SH3TC2: variants seen among roughly 807,000 people sequenced by gnomAD.
The protein encoded by SH3TC2 is SH3 domain and tetratricopeptide repeats 2.
A neutral mutation model predicts 124.5 loss-of-function variants in SH3TC2; 87 were observed. The ratio of observed to expected loss-of-function variants is 0.70; its 90% confidence interval spans 0.59 to 0.84. The LOEUF is 0.84. Among genes scored for constraint, SH3TC2 ranks in the 40% least tolerant of loss-of-function variants. The pLI is 0.00. For missense variants in SH3TC2, 1,536 were observed against 1,566.4 expected (o/e 0.98, Z 0.33); for synonymous variants, 634 against 628.5 (o/e 1.01, Z -0.13).
chr5:149,059,683 G>C (rs1754712409), intron 1 of SH3TC2, among the ~76,000 whole-genome samples: 1 of 150,684 alleles, frequency 6.6e-6, no homozygotes, highest in Non-Finnish European at 1.5e-5. Flanking sequence ...ATATCATTTT[G>C]TTTAAGTTTT....
Position 149,014,981 on chromosome 5 carries a change from A to G in SH3TC2, c.3054-2247T>C, listed in dbSNP as rs150539113. Among the ~76,000 whole-genome samples the G allele has an allele frequency of 3.0e-3, 452 of 152,246 alleles. 2 individuals are homozygous for G. Among genetic ancestry groups the G allele is most frequent in the African/African-American group, 0.01 (433 of 41,546 alleles). On this transcript the variant is annotated intron_variant, in intron 12 of 16. Coordinates refer to ENST00000515425, the MANE Select transcript of SH3TC2 (RefSeq NM_024577.4). Reference sequence around the variant, plus strand: ...TGTCCTGGGATGCCCTTGGGCTACTATAGTTGTTTTCTCCAGACCTTCAGG... The same window carrying G: ...TGTCCTGGGATGCCCTTGGGCTACTGTAGTTGTTTTCTCCAGACCTTCAGG...
intron 12 of SH3TC2, among the ~76,000 whole-genome samples, chr5:149,020,666 T>C (rs1204403323): frequency 3.9e-5 from 6 of 152,184 alleles, no homozygotes; most frequent in Admixed American, 1.3e-4. Context: ...AGAGTGGCTA[T>C]GCTAATATCA....
chr5:149,026,388 A>C (rs1313281040), intron 12 of SH3TC2, 184 bp downstream of exon 12: 1 of 657,456 alleles, frequency 1.5e-6, no homozygotes, highest in East Asian at 2.7e-5. Context: ...GAAATTAAAT[A>C]GCTTGCCCAA....
At chr5:149,028,609 C>T (rs775398775) in intron 10 of SH3TC2, 55 bp from the exon 11 acceptor site, 62 of 1,614,084 alleles carry the variant, frequency 3.8e-5, no homozygotes, top group Admixed American at 1.5e-4. Flanking sequence ...AAGGTGGCCG[C>T]TCTTGGCAAG....
chr5:149,054,527 G>A (rs372245062), intron 1 of SH3TC2, among the ~76,000 whole-genome samples: 10 of 151,946 alleles, frequency 6.6e-5, no homozygotes, highest in Admixed American at 3.3e-4. Flanking sequence ...AAGTTTGACC[G>A]TAGACTACAG....
intron 15 of SH3TC2, 47 bp from the exon 16 acceptor site, chr5:149,007,124 C>T: frequency 3.2e-6 from 5 of 1,580,586 alleles, no homozygotes; most frequent in Non-Finnish European, 4.3e-6. Flanking sequence ...CAACACTTTG[C>T]ATCATTTGTT....
intron 12 of SH3TC2, among the ~76,000 whole-genome samples, chr5:149,018,157 G>A (rs564343198): frequency 7.2e-4 from 110 of 152,128 alleles, no homozygotes; most frequent in Middle Eastern, 3.4e-3. Context: ...TTCTTTCTAC[G>A]TCAGAGGGTG....
intron 13 of SH3TC2, 104 bp from the exon 14 acceptor site, chr5:149,010,496 T>C: frequency 6.7e-7 from 1 of 1,498,526 alleles, no homozygotes; most frequent in African/African-American, 1.4e-5. Flanking sequence ...ACTAATCCTC[T>C]GCTAAAGTCC....
At chr5:149,041,079 T>G (rs9325130) in intron 6 of SH3TC2, among the ~76,000 whole-genome samples, 118 of 152,280 alleles carry the variant, frequency 7.7e-4, no homozygotes, top group African/African-American at 2.6e-3. Flanking sequence ...TTATTTAAAA[T>G]GAAGATTCCT....
Position 149,004,156 on chromosome 5 carries a change from G to T in SH3TC2, c.*555C>A. 1 of 176,714 alleles carries T rather than the reference G, an allele frequency of 5.7e-6. No individual in the cohort carries two copies. The highest frequency in any genetic ancestry group is 1.2e-5 in the Non-Finnish European group (1 of 82,440). 10.9% of individuals were successfully genotyped at this position (176,714 alleles called of 1,614,324 possible). On this transcript the variant is annotated 3_prime_UTR_variant, in exon 17 of 17. Transcript: ENST00000515425. The stretch of plus-strand genomic sequence containing the variant: ...GTGCAATCCATCTGGCCATTCTGAG[G>T]CTGTGTCTTTTGAGCTAAGATCCTG...
At chr5:149,038,153 T>C in intron 8 of SH3TC2, 142 bp downstream of exon 8, 1 of 706,520 alleles carries the variant, frequency 1.4e-6, no homozygotes. Flanking sequence ...ACTCTCTGTA[T>C]CAACCTTGGT....
At chr5:149,062,377 G>C (rs913655398) in intron 1 of SH3TC2, 4 of 534,060 alleles carry the variant, frequency 7.5e-6, no homozygotes, top group African/African-American at 5.8e-5. Flanking sequence ...AAATTCCTCA[G>C]TCCCAGGCAA....
In SH3TC2 at chr5:149,027,433, A is replaced by G. The variant is rs2127397225; in HGVS notation, c.2299T>C (p.Tyr767His). The G allele has an allele frequency of 6.2e-7, 1 of 1,614,148 alleles. No homozygotes were observed. The highest frequency in any genetic ancestry group is 8.5e-7 in the Non-Finnish European group (1 of 1,180,040). Residue 767 changes from tyrosine to histidine, a missense_variant, in exon 11 of 17, where the codon TAC becomes CAC. By Grantham distance (83) the Tyr-to-His change is moderately conservative (BLOSUM62 2). Around this residue, in one of 3 missense-constraint regions of SH3TC2, gnomAD observed 1,102 missense variants for 1,098.6 expected, o/e 1.00. Coordinates refer to ENST00000515425, the MANE Select transcript of SH3TC2 (RefSeq NM_024577.4). Reference protein sequence around the residue: ...RALCLILSKVYLEHRSPDGAI... With the variant: ...RALCLILSKVHLEHRSPDGAI... The stretch of plus-strand genomic sequence containing the variant: ...CCGTCAGGAGACCTGTGCTCGAGGT[A>G]CACTTTGGAAAGGATGAGACACAGG...
chr5:149,026,703 G>C lies in SH3TC2; in HGVS notation c.2922C>G (p.Ser974=). 1 of 1,614,188 alleles carries C rather than the reference G, an allele frequency of 6.2e-7. No individual in the cohort carries two copies. Among genetic ancestry groups the C allele is most frequent in the South Asian group, 1.1e-5 (1 of 91,088 alleles). ...KSLCHFYSSV[S]PNPEACITYH... Reference sequence around the variant, plus strand: ...AGGTGATGCATGCCTCAGGGTTTGGGGACACAGAGCTGTAGAAATGGCAGA... The same window carrying C: ...AGGTGATGCATGCCTCAGGGTTTGGCGACACAGAGCTGTAGAAATGGCAGA... The change falls in exon 12 of 17, where the codon TCC becomes TCG. Residue 974 remains serine (S), a synonymous_variant. Transcript: ENST00000515425.
intron 12 of SH3TC2, 69 bp from the exon 13 acceptor site, chr5:149,012,803 T>C: frequency 1.3e-6 from 2 of 1,568,088 alleles, no homozygotes; most frequent in Non-Finnish European, 1.7e-6. Context: ...CAGCACAGGA[T>C]GAAACAGAAG....
At chr5:149,035,246 A>T (rs1754262968) in intron 8 of SH3TC2, 2 of 152,246 alleles carry the variant, frequency 1.3e-5, no homozygotes, top group African/African-American at 2.4e-5. Flanking sequence ...TAACTGTAAT[A>T]CTATAAAATA....
chr5:149,041,905 C>T (rs1467296654), intron 5 of SH3TC2, among the ~76,000 whole-genome samples: 1 of 152,052 alleles, frequency 6.6e-6, no homozygotes, highest in Non-Finnish European at 1.5e-5. Context: ...GAGATGAAAA[C>T]TTGTGAAAAT....
chr5:149,015,759 T>G (rs1012585341), intron 12 of SH3TC2, among the ~76,000 whole-genome samples: 3 of 152,220 alleles, frequency 2.0e-5, no homozygotes, highest in Non-Finnish European at 4.4e-5. Flanking sequence ...CCTGCCTGGA[T>G]GAGTCTGTCT....
rs1262825453 is a variant in SH3TC2 at position 148,986,688 on chromosome 5, A to T, written c.*18023T>A. Among the ~76,000 whole-genome samples, 1 of 152,180 alleles carries T rather than the reference A, an allele frequency of 6.6e-6. No individual in the cohort carries two copies. Among genetic ancestry groups the T allele is most frequent in the African/African-American group, 2.4e-5 (1 of 41,424 alleles). ...ACCTTTTTTGACAAATTATTAAGCC[A>T]CTTGTTAGGGTGACTTGTAGGCATC... On this transcript the variant is annotated 3_prime_UTR_variant, in exon 17 of 17. Transcript: ENST00000515425.
Sources: allele counts gnomAD v4.1 joint callset (sites outside exome capture counted in the v4.1 genomes callset), GRCh38; gene constraint gnomAD v4.1.1; regional missense constraint gnomAD v4.1.1; transcripts MANE v1.5; gene names NCBI Gene and HGNC (gene_info 2026-07-23, HGNC 2026-07-21).